NPLOC4: variants seen among roughly 807,000 people sequenced by gnomAD.
NPLOC4 encodes NPL4 homolog, ubiquitin recognition factor.
NPLOC4 carries 18 observed loss-of-function variants against 80.6 expected under a neutral mutation model. The ratio of observed to expected loss-of-function variants is 0.22; its 90% confidence interval spans 0.15 to 0.33. NPLOC4 has a LOEUF of 0.33. Among genes scored for constraint, NPLOC4 ranks in the 10% least tolerant of loss-of-function variants. The pLI is 1.00. For synonymous variants in NPLOC4, 313 were observed against 301.5 expected (o/e 1.04, Z -0.39); for missense variants, 540 against 786.1 (o/e 0.69, Z 3.74).
At chr17:81,599,363 A>G (rs2035006420) in intron 9 of NPLOC4, among the ~76,000 whole-genome samples, 1 of 152,234 alleles carries the variant, frequency 6.6e-6, no homozygotes, top group Admixed American at 6.5e-5. Flanking sequence ...CAAGATTATG[A>G]ACTGTAAGAT....
At chr17:81,581,973 G>C (rs539884424) in intron 12 of NPLOC4, among the ~76,000 whole-genome samples, 1 of 152,258 alleles carries the variant, frequency 6.6e-6, no homozygotes, top group Admixed American at 6.5e-5. Context: ...CGTGCTGACA[G>C]CAGAGACATG....
chr17:81,605,824 CTTT>C (rs766106515), intron 7 of NPLOC4, among the ~76,000 whole-genome samples: 3 of 141,050 alleles, frequency 2.1e-5, no homozygotes, highest in Non-Finnish European at 3.1e-5. Context: ...AACACATTTT[CTTT>C]TTTTTTTTTT....
intron 16 of NPLOC4, among the ~76,000 whole-genome samples, chr17:81,561,518 T>C (rs1372794624): frequency 2.6e-5 from 4 of 152,240 alleles, no homozygotes; most frequent in African/African-American, 9.6e-5. Context: ...TACCCCAAGG[T>C]CCTGCATCCT....
intron 8 of NPLOC4, 82 bp from the exon 9 acceptor site, chr17:81,600,509 T>C (rs986671320): frequency 1.9e-5 from 21 of 1,093,648 alleles, no homozygotes; most frequent in Non-Finnish European, 2.6e-5. Flanking sequence ...CTTCCAGCTC[T>C]AGGTCACAAG....
In NPLOC4 at chr17:81,567,474, G is replaced by A; in HGVS notation, c.1509C>T (p.Thr503=). 1.2e-6 allele frequency: 2 copies of A among 1,613,742 alleles called. No individual in the cohort carries two copies. The highest frequency in any genetic ancestry group is 1.7e-6 in the Non-Finnish European group (2 of 1,179,750). The part of the protein sequence containing the change: ...SQNTSSVFLD[T]ISDFHLLLFL... ...ACAGCAAGAGGTGGAAATCTGAGATGGTATCCAAGAACACAGATGAGGTAT... is the reference window on the plus strand; with the variant it reads ...ACAGCAAGAGGTGGAAATCTGAGATAGTATCCAAGAACACAGATGAGGTAT... The change falls in exon 15 of 17, where the codon ACC becomes ACT. Residue 503 remains threonine (T), a synonymous_variant. Coordinates refer to ENST00000331134, the MANE Select transcript of NPLOC4 (RefSeq NM_017921.4). This position sits in a 1 kb window ranked among gnomAD's most constrained non-coding sequence, Gnocchi z 4.5.
chr17:81,631,956 T>C (rs965129573), intron 1 of NPLOC4, among the ~76,000 whole-genome samples: 2 of 150,334 alleles, frequency 1.3e-5, no homozygotes, highest in African/African-American at 2.4e-5. Flanking sequence ...CCCACCACCA[T>C]ACCCAGCTAA....
intron 2 of NPLOC4, among the ~76,000 whole-genome samples, chr17:81,627,719 G>C (rs2035831902): frequency 6.6e-6 from 1 of 152,108 alleles, no homozygotes; most frequent in Non-Finnish European, 1.5e-5. Context: ...AATGAGCCAA[G>C]ATCATGCCAT....
rs778233631 is a variant in NPLOC4 at position 81,604,535 on chromosome 17, C to T, written c.834+13G>A. 1.9e-6 allele frequency: 3 copies of T among 1,607,942 alleles called. No homozygotes were observed. The highest frequency in any genetic ancestry group is 2.5e-6 in the Non-Finnish European group (3 of 1,177,440). ...ACACAGAAACTCAGGAACTTGAATC[C>T]CGTCATGTTTACCTGAGGTGGCTCA... On this transcript the variant is annotated intron_variant, in intron 8 of 16. Coordinates refer to ENST00000331134, the MANE Select transcript of NPLOC4 (RefSeq NM_017921.4).
intron 5 of NPLOC4, 22 bp downstream of exon 5, chr17:81,610,188 C>A: frequency 6.4e-7 from 1 of 1,564,340 alleles, no homozygotes; most frequent in Non-Finnish European, 8.7e-7. Context: ...TGGCCCAGAA[C>A]TTACTCCGCA....
intron 16 of NPLOC4, chr17:81,564,105 C>CACACACACACACACACACAG (rs762577157): frequency 0.015 from 4,954 of 333,400 alleles, 136 homozygotes; most frequent in Admixed American, 0.091. Context: ...CACACACACA[C>CACACACACACACACACACAG]ACACACACAC....
chr17:81,593,044 A>G (rs913737399), intron 11 of NPLOC4, among the ~76,000 whole-genome samples: 2 of 152,114 alleles, frequency 1.3e-5, no homozygotes, highest in African/African-American at 4.8e-5. Context: ...AGTCATTAAA[A>G]CCACACTGAA....
At chr17:81,592,782 G>A (rs1449117949) in intron 11 of NPLOC4, among the ~76,000 whole-genome samples, 1 of 152,112 alleles carries the variant, frequency 6.6e-6, no homozygotes, top group Non-Finnish European at 1.5e-5. Flanking sequence ...CCAGAAGCTC[G>A]AGACCAGCCT....
intron 1 of NPLOC4, among the ~76,000 whole-genome samples, chr17:81,635,317 C>T (rs1184645150): frequency 2.9e-5 from 4 of 138,970 alleles, no homozygotes; most frequent in South Asian, 2.2e-4. Context: ...CCAGCCTGGG[C>T]GACAGAGTGA....
At chr17:81,608,593 C>A (rs2035264142) in intron 6 of NPLOC4, 135 bp downstream of exon 6, 1 of 616,982 alleles carries the variant, frequency 1.6e-6, no homozygotes, top group Non-Finnish European at 2.9e-6. Flanking sequence ...AATATAGAAC[C>A]ACGGTAACTT....
intron 9 of NPLOC4, among the ~76,000 whole-genome samples, chr17:81,598,092 CT>C (rs1272498804): frequency 1.9e-5 from 2 of 103,430 alleles, no homozygotes; most frequent in African/African-American, 6.9e-5. Flanking sequence ...AAGACTCTGT[CT>C]CAAAAAAAAA....
At chr17:81,564,082 A>AC in intron 16 of NPLOC4, 1 of 318,270 alleles carries the variant, frequency 3.1e-6, no homozygotes, top group Non-Finnish European at 6.0e-6. Context: ...CTCCAGCTCA[A>AC]AACACACACA....
chr17:81,565,919 C>T, intron 15 of NPLOC4, among the ~76,000 whole-genome samples: 1 of 152,162 alleles, frequency 6.6e-6, no homozygotes, highest in East Asian at 1.9e-4. Context: ...GGATGGAGGG[C>T]GGAAGTCTTG....
intron 3 of NPLOC4, among the ~76,000 whole-genome samples, chr17:81,621,777 T>C (rs922641997): frequency 3.3e-5 from 5 of 152,150 alleles, no homozygotes; most frequent in African/African-American, 1.2e-4. Flanking sequence ...CAGGGTGGCA[T>C]GGGCCACTGC....
intron 9 of NPLOC4, 50 bp downstream of exon 9, chr17:81,600,291 C>T (rs749600820): frequency 4.3e-6 from 6 of 1,394,158 alleles, no homozygotes; most frequent in Non-Finnish European, 6.0e-6. Context: ...GCCTGGATGC[C>T]CAACAGAGCC....
Sources: gnomAD v4.1 joint callset for allele counts (sites outside exome capture counted in the v4.1 genomes callset) on GRCh38, gnomAD v4.1.1 for gene constraint, Gnocchi (gnomAD v3.1) non-coding constraint, MANE v1.5 for transcripts, NCBI Gene and HGNC (gene_info 2026-07-23, HGNC 2026-07-21) for gene names.